Variants in ERC2 observed in about 807,000 individuals in gnomAD.
The protein encoded by ERC2 is ERC protein 2.
In ERC2, 42 loss-of-function variants were observed where a neutral mutation model predicts 114.8. The ratio of observed to expected loss-of-function variants is 0.37; its 90% CI spans 0.29 to 0.47. The LOEUF (loss-of-function observed/expected upper bound fraction) is 0.47. Ranked by LOEUF, ERC2 falls within the 20% of genes least tolerant of loss-of-function variation. The pLI is 0.99. For synonymous variants in ERC2, 454 were observed against 425.5 expected, an observed-to-expected ratio of 1.07 and a Z score of -0.82; for missense variants, 939 against 1,150.7, an observed-to-expected ratio of 0.82 and a Z score of 2.66.
At chr3:55,569,586 G>T (rs1045710678) in intron 17 of ERC2, among the ~76,000 whole-genome samples, 4 of 152,228 alleles carry the variant, frequency 2.6e-5, no homozygotes, top group African/African-American at 9.6e-5. Flanking sequence ...TAAATTAGAC[G>T]AATCGTTTTC....
chr3:56,155,854 T>C lies in ERC2; in HGVS notation c.1150-6722A>G, dbSNP rs564467745. Among the ~76,000 whole-genome samples, 8 of 152,256 alleles carry C rather than the reference T, an allele frequency of 5.3e-5. No individual in the cohort carries two copies. In the South Asian group the frequency reaches 1.2e-3, roughly 24 times the overall value. ...AGAAAAACAGAATGAATACAGAGCA[T>C]GTATGTATCAAGGAAGAGTAGAATA... On this transcript the variant is annotated intron_variant, in intron 4 of 17. Coordinates refer to ENST00000288221, the MANE Select transcript of ERC2 (RefSeq NM_015576.3).
At chr3:55,879,068 C>CTTTTTTTTTTT (rs2062993865) in intron 14 of ERC2, among the ~76,000 whole-genome samples, 1 of 133,734 alleles carries the variant, frequency 7.5e-6, no homozygotes, top group Non-Finnish European at 1.6e-5. Flanking sequence ...TTTTTTCTTT[C>CTTTTTTTTTTT]TTTTTCTTTT....
At chr3:55,714,687 A>ATG (rs1171600675) in intron 15 of ERC2, among the ~76,000 whole-genome samples, 5 of 99,444 alleles carry the variant, frequency 5.0e-5, no homozygotes, top group African/African-American at 1.7e-4. Context: ...ATATATATAT[A>ATG]TATATATATA....
intron 17 of ERC2, among the ~76,000 whole-genome samples, chr3:55,525,327 T>C (rs1235653616): frequency 6.6e-6 from 1 of 151,574 alleles, no homozygotes; most frequent in Non-Finnish European, 1.5e-5. Context: ...TGAGGGGGAG[T>C]AGGACATAAA....
chr3:56,440,541 C>G (rs529697522), intron 1 of ERC2, among the ~76,000 whole-genome samples: 1 of 134,940 alleles, frequency 7.4e-6, no homozygotes, highest in African/African-American at 2.8e-5. Flanking sequence ...GTGCAAGACT[C>G]TGTCTCAAAA....
At chr3:56,291,822 TAA>T (rs879824002) in intron 3 of ERC2, among the ~76,000 whole-genome samples, 24 of 129,780 alleles carry the variant, frequency 1.8e-4, no homozygotes, top group Admixed American at 2.4e-4. Context: ...TTCTTTCTAC[TAA>T]AAAAAAAAAA....
At chr3:55,781,204 G>A (rs963847603) in intron 14 of ERC2, among the ~76,000 whole-genome samples, 3 of 152,148 alleles carry the variant, frequency 2.0e-5, no homozygotes, top group South Asian at 2.1e-4. Flanking sequence ...AGGGATGTCC[G>A]GGGCCATGAC....
chr3:55,939,607 T>C (rs951274103), intron 13 of ERC2, among the ~76,000 whole-genome samples: 1 of 152,244 alleles, frequency 6.6e-6, no homozygotes. Flanking sequence ...CTGATAAACA[T>C]GTTTTGTGAA....
intron 3 of ERC2, among the ~76,000 whole-genome samples, chr3:56,180,272 CAGG>C (rs1234843136): frequency 6.6e-6 from 1 of 152,080 alleles, no homozygotes; most frequent in Non-Finnish European, 1.5e-5. Flanking sequence ...TGTGGAAGAA[CAGG>C]AGGAGAGAAA....
intron 2 of ERC2, among the ~76,000 whole-genome samples, chr3:56,413,320 A>G (rs2061015758): frequency 6.6e-6 from 1 of 152,252 alleles, no homozygotes; most frequent in Admixed American, 6.5e-5. Flanking sequence ...AGTCACCTTT[A>G]TTCTTTCACT....
chr3:56,248,516 C>A (rs1001603237), intron 3 of ERC2, among the ~76,000 whole-genome samples: 7 of 152,144 alleles, frequency 4.6e-5, no homozygotes, highest in African/African-American at 1.7e-4. Flanking sequence ...CTCAGTTATC[C>A]CAAATCAAAC....
At chr3:56,220,085 T>C (rs2049798447) in intron 3 of ERC2, among the ~76,000 whole-genome samples, 1 of 152,204 alleles carries the variant, frequency 6.6e-6, no homozygotes, top group Non-Finnish European at 1.5e-5. Flanking sequence ...GCACAAAGAC[T>C]GGGTCTGGCC....
intron 14 of ERC2, among the ~76,000 whole-genome samples, chr3:55,769,495 A>G (rs9853067): frequency 0.27 from 41,632 of 151,662 alleles, 6,841 homozygotes; most frequent in African/African-American, 0.45. Flanking sequence ...CAAGCAGAGG[A>G]TGCAAAGGTT....
chr3:56,057,303 A>C (rs2076057864), intron 7 of ERC2, among the ~76,000 whole-genome samples: 1 of 152,218 alleles, frequency 6.6e-6, no homozygotes. Flanking sequence ...TTCATCTTAC[A>C]AAACTAAAAT....
chr3:55,539,213 A>C (rs1395726681), intron 17 of ERC2, among the ~76,000 whole-genome samples: 4 of 152,130 alleles, frequency 2.6e-5, no homozygotes, highest in Non-Finnish European at 5.9e-5. Flanking sequence ...ATAAAAGCCC[A>C]ATGCTGGAAC....
chr3:56,275,848 C>G (rs2053954837), intron 3 of ERC2, among the ~76,000 whole-genome samples: 2 of 152,114 alleles, frequency 1.3e-5, no homozygotes, highest in Admixed American at 1.3e-4. Flanking sequence ...GGGAGTAATG[C>G]TACTAACATC....
intron 14 of ERC2, among the ~76,000 whole-genome samples, chr3:55,879,190 G>A (rs548579049): frequency 7.3e-5 from 10 of 137,616 alleles, no homozygotes; most frequent in Admixed American, 4.9e-4. Context: ...TTTCATCTAC[G>A]TGACAGGGCA....
chr3:56,370,351 G>A (rs928520294), intron 2 of ERC2, among the ~76,000 whole-genome samples: 15 of 152,182 alleles, frequency 9.9e-5, no homozygotes, highest in South Asian at 2.1e-4. Context: ...GCATTGCTCC[G>A]GATTTCTTGT....
chr3:55,906,192 G>T (rs1419966180), intron 13 of ERC2, among the ~76,000 whole-genome samples: 1 of 152,020 alleles, frequency 6.6e-6, no homozygotes, highest in Non-Finnish European at 1.5e-5. Context: ...TAGTGGCAGG[G>T]GGGGCCGGGC....
Sources: gnomAD v4.1 joint callset for allele counts (sites outside exome capture counted in the v4.1 genomes callset) on GRCh38, gnomAD v4.1.1 for gene constraint, MANE v1.5 for transcripts, NCBI Gene and HGNC (gene_info 2026-07-23, HGNC 2026-07-21) for gene names.